The following FOXN3 variants were observed in gnomAD, a reference collection of about 807,000 sequenced individuals.
The protein encoded by FOXN3 is forkhead box N3, also known as forkhead box protein N3.
FOXN3 carries 7 observed loss-of-function variants against 38.4 expected under a neutral mutation model. That is an observed-to-expected ratio of 0.18 (90% confidence interval 0.10 to 0.34). The LOEUF is 0.34. Among genes scored for constraint, FOXN3 ranks in the 10% least tolerant of loss-of-function variants. The pLI is 1.00. For synonymous variants in FOXN3, 230 were observed against 242.2 expected, an observed-to-expected ratio of 0.95 and a Z score of 0.47; for missense variants, 456 against 613.4, an observed-to-expected ratio of 0.74 and a Z score of 2.71.
At chr14:89,540,737 CAAAA>C (rs34410482) in intron 1 of FOXN3, among the ~76,000 whole-genome samples, 4 of 91,230 alleles carry the variant, frequency 4.4e-5, no homozygotes, top group Non-Finnish European at 9.1e-5. Flanking sequence ...GACTATGTCT[CAAAA>C]AAAAAAAAAA....
intron 1 of FOXN3, among the ~76,000 whole-genome samples, chr14:89,445,504 T>C (rs1211289175): frequency 6.6e-6 from 1 of 152,204 alleles, no homozygotes. Flanking sequence ...GGAACTCTTT[T>C]TCATTTCCCC....
At chr14:89,216,323 T>G (rs1471055784) in intron 4 of FOXN3, among the ~76,000 whole-genome samples, 1 of 152,082 alleles carries the variant, frequency 6.6e-6, no homozygotes, top group Non-Finnish European at 1.5e-5. Flanking sequence ...AACCCAAATG[T>G]TTACCCAAGG....
chr14:89,552,624 C>T (rs1461994017), intron 1 of FOXN3, among the ~76,000 whole-genome samples: 2 of 152,114 alleles, frequency 1.3e-5, no homozygotes, highest in Admixed American at 6.6e-5. Flanking sequence ...TTTGGGAGGC[C>T]GAGGCAGGCA....
At position 89,489,880 on chromosome 14, in the gene FOXN3, G is replaced by A. The variant is rs1293582217; in HGVS notation, c.-14-77390C>T. ...CGCGCGCGCATGCACACACATGCAC[G>A]CACATCTTTCTTGAGACAGCTTGCT... On this transcript the variant is annotated intron_variant, in intron 1 of 6. Transcript: ENST00000345097. Among the ~76,000 whole-genome samples, 7 of 152,180 alleles carry A rather than the reference G, an allele frequency of 4.6e-5. No individual in the cohort carries two copies. In the South Asian group the frequency reaches 6.2e-4, roughly 14 times the overall value.
intron 1 of FOXN3, among the ~76,000 whole-genome samples, chr14:89,519,968 C>A (rs1436126624): frequency 1.3e-5 from 2 of 151,826 alleles, no homozygotes; most frequent in Non-Finnish European, 2.9e-5. Flanking sequence ...AAGAAAGGAA[C>A]AGCACTAGGT....
chr14:89,577,852 TA>T (rs1443822290), intron 1 of FOXN3, among the ~76,000 whole-genome samples: 1 of 152,198 alleles, frequency 6.6e-6, no homozygotes, highest in Non-Finnish European at 1.5e-5. Context: ...CGGTGATTAA[TA>T]AAAACCTGAA....
chr14:89,419,524 C>G (rs2140105226), upstream of FOXN3: 1 of 223,182 alleles, frequency 4.5e-6, no homozygotes, highest in South Asian at 5.8e-5. Context: ...CATTTAACAG[C>G]CGAATTGTAT....
At chr14:89,394,728 A>G (rs1891059151) in intron 2 of FOXN3, among the ~76,000 whole-genome samples, 1 of 152,234 alleles carries the variant, frequency 6.6e-6, no homozygotes, top group Non-Finnish European at 1.5e-5. Context: ...GATTCCAGGA[A>G]TAGGATACCT....
At chr14:89,240,966 C>A (rs1885123507) in intron 4 of FOXN3, among the ~76,000 whole-genome samples, 1 of 152,150 alleles carries the variant, frequency 6.6e-6, no homozygotes, top group Non-Finnish European at 1.5e-5. Context: ...TCCCTCTACG[C>A]CTCACTCAAT....
chr14:89,522,641 T>A (rs1186055445), intron 1 of FOXN3, among the ~76,000 whole-genome samples: 6 of 151,956 alleles, frequency 3.9e-5, no homozygotes, highest in Non-Finnish European at 7.4e-5. Flanking sequence ...TTTTATACTA[T>A]AAATTAATAT....
chr14:89,585,040 T>C (rs1474263997), intron 1 of FOXN3, among the ~76,000 whole-genome samples: 2 of 152,136 alleles, frequency 1.3e-5, no homozygotes, highest in Admixed American at 6.5e-5. Flanking sequence ...AATTGTCCAT[T>C]TTTTATTGGC....
At chr14:89,594,835 G>A (rs569021448) in intron 1 of FOXN3, among the ~76,000 whole-genome samples, 25 of 151,982 alleles carry the variant, frequency 1.6e-4, no homozygotes, top group Non-Finnish European at 3.2e-4. Context: ...GCAGTGAGTC[G>A]AGATCCAGCC....
At position 89,529,004 on chromosome 14, in the gene FOXN3, A is replaced by G. The variant is rs53976; in HGVS notation, c.-15+90024T>C. On this transcript the variant is annotated intron_variant, in intron 1 of 6. Coordinates refer to the FOXN3 transcript ENST00000345097. Reference sequence around the variant, plus strand: ...TACACACTTTGAATATGTGTAGTATATCATATATCAATAAAGTTATTTTTG... The same window carrying G: ...TACACACTTTGAATATGTGTAGTATGTCATATATCAATAAAGTTATTTTTG... Among the ~76,000 whole-genome samples the G allele has an allele frequency of 0.01, 1,564 of 152,288 alleles. 119 individuals carry two copies. The East Asian group carries it at 0.21, about 21-fold the overall frequency.
chr14:89,176,200 G>A (rs1887514643), intron 5 of FOXN3, among the ~76,000 whole-genome samples: 1 of 152,278 alleles, frequency 6.6e-6, no homozygotes, highest in South Asian at 2.1e-4. Flanking sequence ...TTACACTATT[G>A]ACAGATACTC....
intron 4 of FOXN3, among the ~76,000 whole-genome samples, chr14:89,249,775 G>A (rs1253484292): frequency 2.0e-5 from 3 of 152,182 alleles, no homozygotes; most frequent in African/African-American, 7.2e-5. Context: ...AGGAAATCCT[G>A]TGACTGCAGA....
intron 1 of FOXN3, among the ~76,000 whole-genome samples, chr14:89,460,381 T>A (rs1375584302): frequency 6.6e-6 from 1 of 152,092 alleles, no homozygotes; most frequent in African/African-American, 2.4e-5. Context: ...CAAGGAAACA[T>A]CTAAATAACA....
At chr14:89,363,516 A>G (rs1487076363) in intron 2 of FOXN3, among the ~76,000 whole-genome samples, 1 of 152,248 alleles carries the variant, frequency 6.6e-6, no homozygotes, top group East Asian at 1.9e-4. Context: ...TACTGGATGG[A>G]CAAACCACTT....
At chr14:89,498,292 G>A (rs529844091) in intron 1 of FOXN3, among the ~76,000 whole-genome samples, 29 of 136,470 alleles carry the variant, frequency 2.1e-4, no homozygotes, top group South Asian at 6.7e-4. Context: ...TCTCGATCTC[G>A]GCTCACTGCA....
At chr14:89,362,909 G>C (rs1285492843) in intron 2 of FOXN3, among the ~76,000 whole-genome samples, 1 of 151,876 alleles carries the variant, frequency 6.6e-6, no homozygotes, top group East Asian at 1.9e-4. Flanking sequence ...GCCTGATTTT[G>C]AAGCAGGTCC....
Sources: allele counts gnomAD v4.1 joint callset (sites outside exome capture counted in the v4.1 genomes callset), GRCh38; gene constraint gnomAD v4.1.1; transcripts MANE v1.5; gene names NCBI Gene and HGNC (gene_info 2026-07-23, HGNC 2026-07-21).